The following IQGAP2 variants were observed in gnomAD, a reference collection of about 807,000 sequenced individuals.
IQGAP2 encodes IQ motif containing GTPase activating protein 2.
IQGAP2 carries 173 observed loss-of-function variants against 201.3 expected under a neutral mutation model. That is an observed-to-expected ratio of 0.86 (90% CI 0.76 to 0.98). The LOEUF is 0.98. Among genes scored for constraint, IQGAP2 ranks in the 50% least tolerant of loss-of-function variants. The pLI, the probability that IQGAP2 is intolerant of heterozygous loss-of-function variation, is 0.00. For missense variants in IQGAP2, 1,687 were observed against 1,864.8 expected, an observed-to-expected ratio of 0.90 and a Z score of 1.76; for synonymous variants, 675 against 673.9, an observed-to-expected ratio of 1.00 and a Z score of -0.03.
intron 27 of IQGAP2, among the ~76,000 whole-genome samples, chr5:76,676,425 C>T (rs1206174451): frequency 2.0e-5 from 3 of 152,216 alleles, no homozygotes; most frequent in Non-Finnish European, 2.9e-5. Flanking sequence ...ATTTCTGGTA[C>T]ATAAGACCCA....
At chr5:76,501,323 G>A (rs968942530) in intron 2 of IQGAP2, among the ~76,000 whole-genome samples, 1 of 152,046 alleles carries the variant, frequency 6.6e-6, no homozygotes, top group African/African-American at 2.4e-5. Flanking sequence ...TAGCCCTTTG[G>A]GAAGCTGAGG....
Position 76,496,760 on chromosome 5 carries a change from T to TCTTTCTTTC in IQGAP2, c.146+35092_146+35100dup, listed in dbSNP as rs1491248676. 5.7e-4 allele frequency among the ~76,000 whole-genome samples: 51 copies of TCTTTCTTTC among 89,410 alleles called. 1 individual carries two copies. The East Asian group carries it at 7.9e-3, about 14-fold the overall frequency. The allele number at this position is 89,410 out of a possible 152,430, so 58.7% of individuals were successfully genotyped here. A position where few individuals can be genotyped will look rare whatever the true frequency, so the allele number is the denominator to read the frequency against. On this transcript the variant is annotated intron_variant, in intron 2 of 35. Transcript: ENST00000274364. Reference sequence around the variant, plus strand: ...TTCTTTCTTTCTTTCTTTCTTTCTTTCTTTCTTTCTTTCTTTCTTTCTTTC... The same window carrying TCTTTCTTTC: ...TTCTTTCTTTCTTTCTTTCTTTCTTTCTTTCTTTCCTTTCTTTCTTTCTTTCTTTCTTTC...
chr5:76,459,057 GAT>G (rs1337476124), intron 1 of IQGAP2, among the ~76,000 whole-genome samples: 2 of 152,250 alleles, frequency 1.3e-5, no homozygotes, highest in African/African-American at 4.8e-5. Flanking sequence ...AAGCCTGGAA[GAT>G]AGGTAGGATC....
intron 2 of IQGAP2, among the ~76,000 whole-genome samples, chr5:76,553,491 T>A (rs2150239361): frequency 6.6e-6 from 1 of 152,344 alleles, no homozygotes; most frequent in Admixed American, 6.5e-5. Context: ...GGTGATTTCC[T>A]GAGTAACAAC....
chr5:76,551,415 C>T (rs546262664), intron 2 of IQGAP2, among the ~76,000 whole-genome samples: 9 of 150,424 alleles, frequency 6.0e-5, no homozygotes, highest in African/African-American at 2.3e-4. Context: ...AGATGATGGG[C>T]GGCCAGGCAG....
At chr5:76,545,898 A>G (rs1490113268) in intron 2 of IQGAP2, among the ~76,000 whole-genome samples, 1 of 152,216 alleles carries the variant, frequency 6.6e-6, no homozygotes, top group African/African-American at 2.4e-5. Context: ...CCATTTATAT[A>G]ATCAGTTATT....
rs545584812 is a variant in IQGAP2, at chr5:76,536,065, C to CTTTTTT, written c.147-26319_147-26314dup. On this transcript the variant is annotated intron_variant, in intron 2 of 35. Coordinates refer to ENST00000274364, the MANE Select transcript of IQGAP2 (RefSeq NM_006633.5). ...TTACCTGGCTTTCCAGGAGCATATT[C>CTTTTTT]TTTTTTTTTTTTTTTTTGAGATGGC... Among the ~76,000 whole-genome samples, 132 of 123,706 alleles carry CTTTTTT rather than the reference C, an allele frequency of 1.1e-3. 7 individuals carry two copies. Among genetic ancestry groups the CTTTTTT allele is most frequent in the African/African-American group, 3.0e-3 (96 of 32,022 alleles). 81.2% of individuals were successfully genotyped at this position (123,706 alleles called of 152,430 possible).
intron 2 of IQGAP2, among the ~76,000 whole-genome samples, chr5:76,473,282 A>G (rs1755224129): frequency 7.6e-6 from 1 of 131,008 alleles, no homozygotes; most frequent in Non-Finnish European, 1.7e-5. Flanking sequence ...CTTTGGTGGA[A>G]TTAGCACAAT....
At chr5:76,437,741 G>A (rs1752786161) in intron 1 of IQGAP2, among the ~76,000 whole-genome samples, 1 of 152,166 alleles carries the variant, frequency 6.6e-6, no homozygotes, top group African/African-American at 2.4e-5. Flanking sequence ...ATTCCATGGT[G>A]TATATTTACC....
intron 3 of IQGAP2, among the ~76,000 whole-genome samples, chr5:76,563,991 T>TTTTTTTTTTTTTTTTTTTTTTTG (rs1744562142): frequency 6.6e-6 from 1 of 152,150 alleles, no homozygotes; most frequent in African/African-American, 2.4e-5. Flanking sequence ...TCTGTTTTTC[T>TTTTTTTTTTTTTTTTTTTTTTTG]AGTCTGGTCA....
chr5:76,500,564 G>A (rs1757217431), intron 2 of IQGAP2, among the ~76,000 whole-genome samples: 1 of 152,112 alleles, frequency 6.6e-6, no homozygotes, highest in Admixed American at 6.5e-5. Flanking sequence ...TATGAATTAA[G>A]GAATACTAAA....
chr5:76,480,963 A>G (rs1237658301), intron 2 of IQGAP2, among the ~76,000 whole-genome samples: 1 of 152,194 alleles, frequency 6.6e-6, no homozygotes, highest in Non-Finnish European at 1.5e-5. Context: ...CCAAGATGGC[A>G]TCTTGTAGCT....
chr5:76,436,710 A>G (rs553182726), intron 1 of IQGAP2, among the ~76,000 whole-genome samples: 1 of 149,006 alleles, frequency 6.7e-6, no homozygotes, highest in Non-Finnish European at 1.5e-5. Flanking sequence ...TGGTATTTTT[A>G]GTAGAGATGG....
intron 5 of IQGAP2, among the ~76,000 whole-genome samples, chr5:76,582,952 C>G (rs1053920997): frequency 6.6e-6 from 1 of 152,210 alleles, no homozygotes; most frequent in South Asian, 2.1e-4. Context: ...CCGTTGCTGG[C>G]CTCACTCAGC....
intron 28 of IQGAP2, among the ~76,000 whole-genome samples, chr5:76,678,896 G>A (rs1745055519): frequency 6.6e-6 from 1 of 152,070 alleles, no homozygotes; most frequent in South Asian, 2.1e-4. Context: ...CTTCTTTCAG[G>A]GTTGAAACAG....
chr5:76,700,609 A>T (rs550098918), intron 33 of IQGAP2, among the ~76,000 whole-genome samples: 378 of 152,366 alleles, frequency 2.5e-3, no homozygotes, highest in Non-Finnish European at 4.7e-3. Flanking sequence ...TTATTAGTTT[A>T]AAAGTACTAT....
intron 28 of IQGAP2, among the ~76,000 whole-genome samples, chr5:76,681,639 A>T (rs1745308239): frequency 7.9e-5 from 12 of 152,130 alleles, no homozygotes; most frequent in Admixed American, 7.9e-4. Flanking sequence ...TGGAAACAGG[A>T]TGGTCTTTCC....
Position 76,686,574 on chromosome 5 carries a change from A to G in IQGAP2, c.3905+2657A>G, listed in dbSNP as rs566527987. Among the ~76,000 whole-genome samples, 68 of 152,188 alleles carry G rather than the reference A, an allele frequency of 4.5e-4. 1 individual carries two copies. The South Asian group carries it at 0.014, about 31-fold the overall frequency. On this transcript the variant is annotated intron_variant, in intron 30 of 35. Coordinates refer to ENST00000274364, the MANE Select transcript of IQGAP2 (RefSeq NM_006633.5). ...GCCCAGGCTGGAGTGCAGTGGCATG[A>G]TCTCGGGTCACTGCAAGCTCTGCCT...
intron 2 of IQGAP2, among the ~76,000 whole-genome samples, chr5:76,557,243 A>C (rs1346322198): frequency 6.6e-6 from 1 of 152,232 alleles, no homozygotes; most frequent in Non-Finnish European, 1.5e-5. Flanking sequence ...GGGTAGCCTT[A>C]GCCTTTTCTG....
Sources: gnomAD v4.1 joint callset for allele counts (sites outside exome capture counted in the v4.1 genomes callset) on GRCh38, gnomAD v4.1.1 for gene constraint, MANE v1.5 for transcripts, NCBI Gene and HGNC (gene_info 2026-07-23, HGNC 2026-07-21) for gene names.